Variants in PITPNM2 observed in about 807,000 individuals in gnomAD.
PITPNM2 encodes the protein membrane-associated phosphatidylinositol transfer protein 2.
A neutral mutation model predicts 132.2 loss-of-function variants in PITPNM2; 35 were observed. The observed-to-expected ratio is 0.26, with a 90% CI of 0.20 to 0.35. PITPNM2 has a LOEUF of 0.35. PITPNM2 is among the 10% of genes least tolerant of loss of function. The pLI, the probability that PITPNM2 is intolerant of heterozygous loss-of-function variation, is 1.00. For synonymous variants in PITPNM2, 738 were observed against 799.2 expected (o/e 0.92, Z 1.29); for missense variants, 1,332 against 1,912.0 (o/e 0.70, Z 5.66).
chr12:123,032,296 G>C (rs2040121757), intron 3 of PITPNM2, among the ~76,000 whole-genome samples: 2 of 152,206 alleles, frequency 1.3e-5, no homozygotes, highest in Non-Finnish European at 2.9e-5. Flanking sequence ...GGCCAACATG[G>C]TGAAACCCTG....
At chr12:123,107,858 C>T (rs2137301404) in intron 2 of PITPNM2, among the ~76,000 whole-genome samples, 1 of 152,308 alleles carries the variant, frequency 6.6e-6, no homozygotes, top group East Asian at 1.9e-4. Flanking sequence ...GTTCCCAGGT[C>T]AACAGCAGAC....
chr12:122,990,850 G>A, intron 16 of PITPNM2, 141 bp from the exon 17 acceptor site: 1 of 908,872 alleles, frequency 1.1e-6, no homozygotes, highest in Non-Finnish European at 1.6e-6. Context: ...CCTGCTCAGG[G>A]CCGTGAGAGG....
chr12:123,018,749 T>C (rs1261246182), intron 3 of PITPNM2, among the ~76,000 whole-genome samples: 1 of 151,256 alleles, frequency 6.6e-6, no homozygotes, highest in African/African-American at 2.4e-5. Context: ...TCCTTTTTCT[T>C]TTTCTTTTCT....
At chr12:123,122,243 G>A (rs1157231777) in intron 1 of PITPNM2, among the ~76,000 whole-genome samples, 12 of 152,120 alleles carry the variant, frequency 7.9e-5, no homozygotes, top group African/African-American at 2.9e-4. Context: ...CAGGCAGATC[G>A]TCTGAGGTCG....
intron 3 of PITPNM2, among the ~76,000 whole-genome samples, chr12:123,026,268 G>T (rs2039859628): frequency 6.6e-6 from 1 of 152,144 alleles, no homozygotes; most frequent in East Asian, 1.9e-4. Flanking sequence ...ACCTTATTTG[G>T]AAATAGGGTC....
At chr12:123,115,180 C>A (rs1458205426) in intron 1 of PITPNM2, among the ~76,000 whole-genome samples, 1 of 152,198 alleles carries the variant, frequency 6.6e-6, no homozygotes, top group East Asian at 1.9e-4. Flanking sequence ...GGACCCCATG[C>A]CTTGGGCAGG....
chr12:123,113,838 C>G (rs1258502887), intron 1 of PITPNM2, among the ~76,000 whole-genome samples: 3 of 152,162 alleles, frequency 2.0e-5, no homozygotes, highest in Non-Finnish European at 4.4e-5. Context: ...TACACATAAG[C>G]AGTCACTTCC....
Position 123,012,689 on chromosome 12 carries a change from G to A in PITPNM2, c.339C>T (p.Thr113=). The part of the protein sequence containing the change: ...FVEKFSIDIE[T]FYKTDAGENP... ...TTTCTCCAGCATCAGTTTTATAAAA[G>A]GTTTCAATGTCGATGGAGAATTTCT... is the stretch of plus-strand genomic sequence containing the variant. The change falls in exon 5 of 26, where the codon ACC becomes ACT. Residue 113 remains threonine (T), a synonymous_variant. Transcript: ENST00000320201. The A allele has an allele frequency of 6.8e-6, 11 of 1,614,138 alleles. No homozygotes were observed. Among genetic ancestry groups the A allele is most frequent in the Non-Finnish European group, 9.3e-6 (11 of 1,179,976 alleles).
chr12:123,067,495 ACACG>A lies in PITPNM2; in HGVS notation c.-95-32814_-95-32811del, dbSNP rs3222402. Among the ~76,000 whole-genome samples, 7 of 141,722 alleles carry A rather than the reference ACACG, an allele frequency of 4.9e-5. No individual in the cohort carries two copies. The South Asian group carries it at 6.9e-4, about 14-fold the overall frequency. The allele number at this position is 141,722 out of a possible 152,430, so 93.0% of individuals were successfully genotyped here. ...CACACACACACACACACACACACAC[ACACG>A]CAAAAGAAGAAGAGGAGAGGACACA... is the stretch of plus-strand genomic sequence containing the variant. On this transcript the variant is annotated intron_variant, in intron 2 of 25. Transcript: ENST00000320201.
At chr12:123,139,362 G>A (rs1332029323) in intron 1 of PITPNM2, among the ~76,000 whole-genome samples, 2 of 151,166 alleles carry the variant, frequency 1.3e-5, no homozygotes, top group Non-Finnish European at 2.9e-5. Context: ...TTAGCTGGGT[G>A]TGGTGGCGGG....
chr12:123,001,990 C>T (rs967042786), intron 8 of PITPNM2, among the ~76,000 whole-genome samples: 2 of 150,392 alleles, frequency 1.3e-5, no homozygotes, highest in East Asian at 1.9e-4. Context: ...GAGATGGTGC[C>T]GTTGCACTCC....
At chr12:123,144,353 C>A (rs2043567771) in intron 1 of PITPNM2, among the ~76,000 whole-genome samples, 1 of 152,212 alleles carries the variant, frequency 6.6e-6, no homozygotes. Context: ...GTTAGAGAAG[C>A]TTCATTCAGA....
chr12:122,994,746 C>T lies in PITPNM2; in HGVS notation c.2233+55G>A, dbSNP rs905802453. 2.0e-6 allele frequency: 3 copies of T among 1,537,352 alleles called. No individual in the cohort carries two copies. The highest frequency in any genetic ancestry group is 2.7e-5 in the African/African-American group (2 of 73,530). Reference sequence around the variant, plus strand: ...CTCATCACAGGGGTCCACTGAGACCCCCGCCCCCGCACCCAGTGCATGTAC... The same window carrying T: ...CTCATCACAGGGGTCCACTGAGACCTCCGCCCCCGCACCCAGTGCATGTAC... On this transcript the variant is annotated intron_variant, in intron 15 of 25. Transcript: ENST00000320201. This position sits in a 1 kb window ranked among gnomAD's most constrained non-coding sequence, Gnocchi z 5.4.
chr12:123,004,805 C>T lies in PITPNM2; in HGVS notation c.953-316G>A, dbSNP rs569181269. Among the ~76,000 whole-genome samples the T allele has an allele frequency of 3.3e-5, 5 of 152,336 alleles. No homozygotes were observed. The East Asian group carries it at 9.7e-4, about 29-fold the overall frequency. On this transcript the variant is annotated intron_variant, in intron 7 of 25. Coordinates refer to ENST00000320201, the MANE Select transcript of PITPNM2 (RefSeq NM_020845.3). This position sits in a 1 kb window ranked among gnomAD's most constrained non-coding sequence, Gnocchi z 4.9. The stretch of plus-strand genomic sequence containing the variant: ...TCCTGGGCCTCTGACCTGAGTCTGA[C>T]CAAGAGCAAACTCCTGAAATTTGGC...
chr12:122,997,714 C>T, intron 10 of PITPNM2, 142 bp from the exon 11 acceptor site: 1 of 1,192,598 alleles, frequency 8.4e-7, no homozygotes, highest in Non-Finnish European at 1.2e-6. Context: ...TTACTCATGC[C>T]TGGAGCCTGG....
intron 13 of PITPNM2, 71 bp downstream of exon 13, chr12:122,996,387 C>A: frequency 1.3e-6 from 2 of 1,579,320 alleles, no homozygotes; most frequent in Non-Finnish European, 1.7e-6. Flanking sequence ...CAGGAACAGG[C>A]AGGGCAGCCA....
intron 13 of PITPNM2, 109 bp downstream of exon 13, chr12:122,996,349 C>T: frequency 6.9e-7 from 1 of 1,451,572 alleles, no homozygotes; most frequent in Non-Finnish European, 9.3e-7. Flanking sequence ...CAGCATTCTG[C>T]TTGGTGGACA....
At position 123,008,209 on chromosome 12, in the gene PITPNM2, T is replaced by C. The variant is rs1423954867; in HGVS notation, c.643+1641A>G. On this transcript the variant is annotated intron_variant, in intron 6 of 25. Transcript: ENST00000320201. This position sits in a 1 kb window ranked among gnomAD's most constrained non-coding sequence, Gnocchi z 4.1. ...AGGGGAGAACTGACTTTCAGGGAGCTGGGGAGTCTCTGCAGCTTGGCCAGG... is the reference window on the plus strand; with the variant it reads ...AGGGGAGAACTGACTTTCAGGGAGCCGGGGAGTCTCTGCAGCTTGGCCAGG... 6.6e-6 allele frequency among the ~76,000 whole-genome samples: 1 copy of C among 152,168 alleles called. No homozygotes were observed. The highest frequency in any genetic ancestry group is 1.5e-5 in the Non-Finnish European group (1 of 68,024).
rs2039738236 is a variant in PITPNM2, at chr12:123,023,241, AG to A, written c.79-9200del. Among the ~76,000 whole-genome samples the A allele has an allele frequency of 6.6e-6, 1 of 152,124 alleles. No individual in the cohort carries two copies. Among genetic ancestry groups the A allele is most frequent in the Non-Finnish European group, 1.5e-5 (1 of 68,018 alleles). On this transcript the variant is annotated intron_variant, in intron 3 of 25. Transcript: ENST00000320201. This position sits in a 1 kb window ranked among gnomAD's most constrained non-coding sequence, Gnocchi z 4.8. ...GGAACTGAGGGCTGTGCTCCCTGTG[AG>A]GGGCTCACTGAAGCTGCCACTCAGA...
Sources: allele counts gnomAD v4.1 joint callset (sites outside exome capture counted in the v4.1 genomes callset), GRCh38; gene constraint gnomAD v4.1.1; non-coding constraint Gnocchi (gnomAD v3.1); transcripts MANE v1.5; gene names NCBI Gene and HGNC (gene_info 2026-07-23, HGNC 2026-07-21).